The following FRMD3 variants were observed in gnomAD, a reference collection of about 807,000 sequenced individuals.
FRMD3 encodes the protein FERM domain containing 3, also known as FERM domain-containing protein 3.
In FRMD3, 33 loss-of-function variants were observed where a neutral mutation model predicts 70.2. The observed-to-expected ratio is 0.47, with a 90% confidence interval of 0.36 to 0.63. The LOEUF is 0.63. Among genes scored for constraint, FRMD3 ranks in the 20% least tolerant of loss-of-function variants. The probability of loss-of-function intolerance (pLI) is 0.00; values close to 1 mark genes in which losing one functional copy is unlikely to be tolerated. For missense variants in FRMD3, 632 were observed against 711.4 expected (o/e 0.89, Z 1.27); for synonymous variants, 279 against 255.9 (o/e 1.09, Z -0.86).
the FRMD3 span, among the ~76,000 whole-genome samples, chr9:83,544,300 CCT>C: frequency 6.6e-6 from 1 of 152,160 alleles, no homozygotes; most frequent in African/African-American, 2.4e-5. Context: ...CCCCTGACCC[CCT>C]GAGGAGACCT....
chr9:83,544,684 T>C, the FRMD3 span, among the ~76,000 whole-genome samples: 1 of 152,180 alleles, frequency 6.6e-6, no homozygotes, highest in South Asian at 2.1e-4. Context: ...TCTATCTCCG[T>C]CTTTACAGGA....
At chr9:83,313,475 G>T (rs1835441299) in intron 7 of FRMD3, among the ~76,000 whole-genome samples, 185 bp downstream of exon 7, 2 of 152,208 alleles carry the variant, frequency 1.3e-5, no homozygotes, top group Admixed American at 1.3e-4. Context: ...ACAATTGGAA[G>T]ACTCCAATGG....
Position 83,247,933 on chromosome 9 carries a change from C to A in FRMD3, c.1779G>T (p.Met593Ile). Reference protein sequence around the residue: ...VAGKVHLILYMLGCS With the variant: ...VAGKVHLILYILGCS ...GAGATTAACTTCATGAGCAACCCAG[C>A]ATGTAGAGGATGAGGTGGACTTTCC... The change falls in exon 14 of 14, where the codon ATG becomes ATT. Residue 593 changes from methionine to isoleucine, a missense_variant. Physicochemically the swap from Met to Ile is conservative, Grantham distance 10. This residue lies in a region of FRMD3 where 418 missense variants were observed against 442.1 expected (regional missense o/e 0.95). Coordinates refer to ENST00000304195, the MANE Select transcript of FRMD3 (RefSeq NM_174938.6). 6.2e-7 allele frequency: 1 copy of A among 1,614,030 alleles called. No individual in the cohort carries two copies. Among genetic ancestry groups the A allele is most frequent in the Non-Finnish European group, 8.5e-7 (1 of 1,179,964 alleles).
intron 13 of FRMD3, among the ~76,000 whole-genome samples, chr9:83,285,253 C>T (rs1462856085): frequency 2.0e-5 from 3 of 152,180 alleles, no homozygotes; most frequent in Non-Finnish European, 4.4e-5. Flanking sequence ...CAAACACGCG[C>T]AAACACATAC....
At chr9:83,393,908 T>C (rs12000164) in intron 1 of FRMD3, among the ~76,000 whole-genome samples, 4,190 of 150,682 alleles carry the variant, frequency 0.028, 196 homozygotes, top group African/African-American at 0.092. Context: ...TTTAATTCTA[T>C]TGTGTGTGTG....
the FRMD3 span, among the ~76,000 whole-genome samples, chr9:83,560,539 G>C: frequency 6.6e-6 from 1 of 152,232 alleles, no homozygotes; most frequent in Non-Finnish European, 1.5e-5. Context: ...GCACATTTGT[G>C]AGAGTGAGAA....
the FRMD3 span, among the ~76,000 whole-genome samples, chr9:83,563,854 G>C: frequency 2.6e-5 from 4 of 152,126 alleles, no homozygotes; most frequent in African/African-American, 9.7e-5. Flanking sequence ...ACTCTCACCT[G>C]CATTACTTTA....
At chr9:83,391,079 C>T (rs1383537649) in intron 1 of FRMD3, among the ~76,000 whole-genome samples, 1 of 152,162 alleles carries the variant, frequency 6.6e-6, no homozygotes, top group Non-Finnish European at 1.5e-5. Context: ...ATGCGCTGCA[C>T]TGAGTGAAGG....
chr9:83,314,827 A>G (rs1000625865), intron 6 of FRMD3, among the ~76,000 whole-genome samples: 1 of 151,114 alleles, frequency 6.6e-6, no homozygotes, highest in East Asian at 1.9e-4. Context: ...TCCCTTCCCC[A>G]CTTCCTCCAC....
intron 2 of FRMD3, 124 bp downstream of exon 2, chr9:83,389,480 G>C: frequency 1.5e-6 from 1 of 681,288 alleles, no homozygotes; most frequent in Non-Finnish European, 2.7e-6. Context: ...GCTCACACAG[G>C]GTTTCATGTG....
At chr9:83,379,530 A>G (rs1587795333) in intron 2 of FRMD3, among the ~76,000 whole-genome samples, 1 of 152,294 alleles carries the variant, frequency 6.6e-6, no homozygotes, top group South Asian at 2.1e-4. Flanking sequence ...TTAGAATAAA[A>G]TTTCCAAAGG....
chr9:83,354,566 G>A (rs1824273994), intron 3 of FRMD3, among the ~76,000 whole-genome samples: 1 of 152,132 alleles, frequency 6.6e-6, no homozygotes, highest in Admixed American at 6.5e-5. Context: ...TAGTACCTGG[G>A]TAACAGGATC....
chr9:83,301,144 T>C (rs1183503517), intron 10 of FRMD3, among the ~76,000 whole-genome samples: 6 of 151,704 alleles, frequency 4.0e-5, no homozygotes, highest in African/African-American at 1.5e-4. Flanking sequence ...GCCATGGCCC[T>C]GGGGGGGGCC....
chr9:83,318,891 G>A (rs1371988274), intron 6 of FRMD3, among the ~76,000 whole-genome samples: 3 of 152,114 alleles, frequency 2.0e-5, no homozygotes, highest in Middle Eastern at 3.2e-3. Flanking sequence ...GCATTTCTCT[G>A]ATGTTTAGTG....
chr9:83,457,764 G>A (rs1827858948), intron 1 of FRMD3, among the ~76,000 whole-genome samples: 1 of 152,014 alleles, frequency 6.6e-6, no homozygotes, highest in African/African-American at 2.4e-5. Flanking sequence ...CTGTATTCTT[G>A]AAATTTCCTA....
rs1435858119 is a variant in FRMD3 at position 83,335,619 on chromosome 9, G to T, written c.493C>A (p.Pro165Thr). The T allele has an allele frequency of 1.2e-6, 2 of 1,612,880 alleles. No individual in the cohort carries two copies. Among genetic ancestry groups the T allele is most frequent in the Non-Finnish European group, 1.7e-6 (2 of 1,179,170 alleles). ...IVQAELGDYDPDEHPENYISE... is the reference protein window; with the variant it reads ...IVQAELGDYDTDEHPENYISE... ...ATGTAATTCTCAGGATGCTCATCAG[G>T]ATCGTAATCACCAAGCTCAGCTGTA... The change falls in exon 6 of 14, where the codon CCT becomes ACT. Residue 165 changes from proline to threonine, a missense_variant. By Grantham distance (38) the Pro-to-Thr change is conservative. Coordinates refer to ENST00000304195, the MANE Select transcript of FRMD3 (RefSeq NM_174938.6).
intron 1 of FRMD3, among the ~76,000 whole-genome samples, chr9:83,529,222 G>A (rs1829744939): frequency 6.6e-6 from 1 of 152,204 alleles, no homozygotes; most frequent in Non-Finnish European, 1.5e-5. Flanking sequence ...CAATTCAACA[G>A]GGAAAAGAGT....
intron 2 of FRMD3, among the ~76,000 whole-genome samples, chr9:83,387,161 T>C (rs1165840823): frequency 6.6e-6 from 1 of 152,216 alleles, no homozygotes; most frequent in Non-Finnish European, 1.5e-5. Context: ...ATTTTAGCTC[T>C]TGCCTGCAAT....
At chr9:83,378,742 ATTATATATAATATATAATT>A (rs1825252233) in intron 2 of FRMD3, among the ~76,000 whole-genome samples, 1 of 122,656 alleles carries the variant, frequency 8.2e-6, no homozygotes, top group African/African-American at 3.5e-5. Context: ...TATACTTTAT[ATTATATATAATATATAATT>A]TATATTATAT....
Sources: allele counts gnomAD v4.1 joint callset (sites outside exome capture counted in the v4.1 genomes callset), GRCh38; gene constraint gnomAD v4.1.1; regional missense constraint gnomAD v4.1.1; transcripts MANE v1.5; gene names NCBI Gene and HGNC (gene_info 2026-07-23, HGNC 2026-07-21).